The following DYNC1H1 variants were observed in gnomAD, a reference collection of about 807,000 sequenced individuals.
DYNC1H1 encodes the protein cytoplasmic dynein 1 heavy chain 1.
Under a neutral mutation model 527.1 loss-of-function variants are expected in DYNC1H1, and 51 were observed. The ratio of observed to expected loss-of-function variants is 0.10; its 90% CI spans 0.08 to 0.12. DYNC1H1 has a LOEUF of 0.12. Ranked by LOEUF, DYNC1H1 falls within the 10% of genes least tolerant of loss-of-function variation. The pLI, the probability that DYNC1H1 is intolerant of heterozygous loss-of-function variation, is 1.00. For synonymous variants in DYNC1H1, 2,189 were observed against 2,278.8 expected (o/e 0.96, Z 1.12); for missense variants, 2,771 against 5,971.8 (o/e 0.46, Z 17.66).
In DYNC1H1 at chr14:102,041,803, C is replaced by G. The variant is rs1335553255; in HGVS notation, c.12102+69C>G. ...CCACCTCCCCAGCCACAGGTGGCAG[C>G]AGCCCTGGCATCTGCTCTCACTCCG... On this transcript the variant is annotated intron_variant, in intron 65 of 77. Transcript: ENST00000360184. The surrounding 1 kb of genome is among the most constrained non-coding windows in gnomAD (Gnocchi z 4.5). 2 of 1,607,636 alleles carry G rather than the reference C, an allele frequency of 1.2e-6. No homozygotes were observed.
Position 102,039,607 on chromosome 14 carries a change from G to A in DYNC1H1, c.11596-31G>A, listed in dbSNP as rs1297832322. 1.2e-6 allele frequency: 2 copies of A among 1,614,006 alleles called. No homozygotes were observed. Among genetic ancestry groups the A allele is most frequent in the African/African-American group, 2.7e-5 (2 of 74,900 alleles). ...GGAAGCAGGGTGCTGCTTCTCTTAT[G>A]GAACAACATCGTCTCCTGCTCTTGT... On this transcript the variant is annotated intron_variant, in intron 61 of 77. Transcript: ENST00000360184. The surrounding 1 kb of genome is among the most constrained non-coding windows in gnomAD (Gnocchi z 7.0).
rs2048767410 is a variant in DYNC1H1 at position 102,049,043 on chromosome 14, G to C, written c.13372+374G>C. ...GACAGTGGAAAAGCAGGGGCAGGCGGGCATGGGGGGCTCATCCAAAGTTGT... is the reference window on the plus strand; with the variant it reads ...GACAGTGGAAAAGCAGGGGCAGGCGCGCATGGGGGGCTCATCCAAAGTTGT... On this transcript the variant is annotated intron_variant, in intron 74 of 77. Coordinates refer to ENST00000360184, the MANE Select transcript of DYNC1H1 (RefSeq NM_001376.5). The surrounding 1 kb of genome is among the most constrained non-coding windows in gnomAD (Gnocchi z 5.5). 2.4e-6 allele frequency: 1 copy of C among 424,792 alleles called. No homozygotes were observed. Among genetic ancestry groups the C allele is most frequent in the Non-Finnish European group, 4.4e-6 (1 of 227,228 alleles). 26.3% of individuals were successfully genotyped at this position (424,792 alleles called of 1,614,324 possible). A position where few individuals can be genotyped will look rare whatever the true frequency, so the allele number is the denominator to read the frequency against.
rs974195721 is a variant in DYNC1H1 at position 102,055,364 on chromosome 14, G to A, written c.*4801G>A. On this transcript the variant is annotated 3_prime_UTR_variant, in exon 78 of 78. Transcript: ENST00000360184. ...TGTCTACAAAGGCCTCCTCTTTGAG[G>A]GAGACACGCGAGGCACGGGTGGGGC... 2 of 152,060 alleles carry A rather than the reference G, an allele frequency of 1.3e-5. No individual in the cohort carries two copies. Among genetic ancestry groups the A allele is most frequent in the Non-Finnish European group, 2.9e-5 (2 of 68,058 alleles). 9.4% of individuals were successfully genotyped at this position (152,060 alleles called of 1,614,324 possible).
At chr14:101,998,648 C>T (rs2048092588) in intron 16 of DYNC1H1, among the ~76,000 whole-genome samples, 1 of 152,130 alleles carries the variant, frequency 6.6e-6, no homozygotes, top group Non-Finnish European at 1.5e-5. Flanking sequence ...ATTGTCCCAT[C>T]CTGCCTGTAA....
rs368790849 is a variant in DYNC1H1, at chr14:102,005,595, C to T, written c.5434-293C>T. 2.6e-5 allele frequency among the ~76,000 whole-genome samples: 4 copies of T among 152,342 alleles called. No homozygotes were observed. The highest frequency in any genetic ancestry group is 3.9e-4 in the East Asian group (2 of 5,190). On this transcript the variant is annotated intron_variant, in intron 26 of 77. Transcript: ENST00000360184. The surrounding 1 kb of genome is among the most constrained non-coding windows in gnomAD (Gnocchi z 4.0). Reference sequence around the variant, plus strand: ...GCACGTGGCAGACTCCTAGGATAGACGTCAGAAAGCTAGTCTTCCATGATG... The same window carrying T: ...GCACGTGGCAGACTCCTAGGATAGATGTCAGAAAGCTAGTCTTCCATGATG...
chr14:102,005,233 C>G lies in DYNC1H1; in HGVS notation c.5430C>G (p.His1810Gln). The G allele has an allele frequency of 6.2e-7, 1 of 1,614,184 alleles. No individual in the cohort carries two copies. The highest frequency in any genetic ancestry group is 8.5e-7 in the Non-Finnish European group (1 of 1,180,050). ...QPPLRRRKLE[H>Q]LITELVHQRD... is the part of the protein sequence containing the mutation. ...CACTCCGAAGGCGGAAGCTAGAACA[C>G]TTGGTTAGTCTCACACCTGACTCCT... Residue 1810 changes from histidine to glutamine, a missense_variant, in exon 26 of 78, where the codon CAC becomes CAG. His to Gln is a conservative substitution (Grantham distance 24). Transcript: ENST00000360184. The surrounding 1 kb of genome is among the most constrained non-coding windows in gnomAD (Gnocchi z 4.0).
intron 23 of DYNC1H1, 49 bp from the exon 24 acceptor site, chr14:102,004,469 T>A (rs1023956803): frequency 6.4e-7 from 1 of 1,561,888 alleles, no homozygotes; most frequent in Non-Finnish European, 8.7e-7. Flanking sequence ...TGATTCACCT[T>A]ATATGTGTAT....
At chr14:101,988,923 T>C (rs1402049161) in intron 10 of DYNC1H1, 71 bp downstream of exon 10, 3 of 1,593,956 alleles carry the variant, frequency 1.9e-6, no homozygotes, top group Admixed American at 1.7e-5. Context: ...AAAACACCTA[T>C]GGAAAGGTCA....
Position 102,041,400 on chromosome 14 carries a change from G to A in DYNC1H1, c.11942-174G>A, listed in dbSNP as rs1289093033. On this transcript the variant is annotated intron_variant, in intron 64 of 77. Coordinates refer to ENST00000360184, the MANE Select transcript of DYNC1H1 (RefSeq NM_001376.5). The surrounding 1 kb of genome is among the most constrained non-coding windows in gnomAD (Gnocchi z 4.5). ...GGTAGTAAGGTGTTCTCACAGGCGT[G>A]TCCAGAGGGCTCACGGAAGGCACAG... The A allele has an allele frequency of 2.0e-6, 2 of 990,576 alleles. No homozygotes were observed. The highest frequency in any genetic ancestry group is 3.1e-6 in the Non-Finnish European group (2 of 637,584). The allele number at this position is 990,576 out of a possible 1,614,324, so 61.4% of individuals were successfully genotyped here.
At chr14:102,048,105 G>A in intron 73 of DYNC1H1, 77 bp downstream of exon 73, 1 of 1,509,404 alleles carries the variant, frequency 6.6e-7, no homozygotes, top group Non-Finnish European at 8.9e-7. Flanking sequence ...TTGTTCCATG[G>A]ACCATTGGTT....
chr14:101,991,962 A>T (rs2048003665), intron 11 of DYNC1H1, among the ~76,000 whole-genome samples: 1 of 124,604 alleles, frequency 8.0e-6, no homozygotes, highest in Non-Finnish European at 1.6e-5. Context: ...ACTTTTTATT[A>T]GGGGAATTTT....
chr14:101,970,482 T>G (rs1280245142), intron 1 of DYNC1H1, among the ~76,000 whole-genome samples: 16 of 122,412 alleles, frequency 1.3e-4, no homozygotes, highest in African/African-American at 5.6e-4. Context: ...TGTTTTTTTT[T>G]TTTTTTTTTT....
At chr14:101,980,618 A>G (rs2047852664) in intron 5 of DYNC1H1, 68 bp downstream of exon 5, 1 of 1,550,706 alleles carries the variant, frequency 6.4e-7, no homozygotes, top group Non-Finnish European at 8.8e-7. Flanking sequence ...CTTACTTGAT[A>G]ATTTAAATGA....
At chr14:102,004,077 T>A (rs1414893088) in intron 23 of DYNC1H1, among the ~76,000 whole-genome samples, 1 of 150,646 alleles carries the variant, frequency 6.6e-6, no homozygotes, top group South Asian at 2.1e-4. Flanking sequence ...CCGTCTCTAC[T>A]AAAAATACAA....
chr14:102,005,839 TG>T lies in DYNC1H1; in HGVS notation c.5434-48del. The T allele has an allele frequency of 6.2e-7, 1 of 1,611,286 alleles. No homozygotes were observed. The highest frequency in any genetic ancestry group is 8.5e-7 in the Non-Finnish European group (1 of 1,177,764). ...CAGTCCACAAACCCGGAGAATGCACTGTATTGCTTTAGTGTAGATGAACTTT... is the reference window on the plus strand; with the variant it reads ...CAGTCCACAAACCCGGAGAATGCACTTATTGCTTTAGTGTAGATGAACTTT... On this transcript the variant is annotated intron_variant, in intron 26 of 77. Transcript: ENST00000360184. This position sits in a 1 kb window ranked among gnomAD's most constrained non-coding sequence, Gnocchi z 4.0.
Position 102,029,821 on chromosome 14 carries a change from A to G in DYNC1H1, c.9645A>G (p.Val3215=), listed in dbSNP as rs746764653. The G allele has an allele frequency of 5.0e-6, 8 of 1,614,042 alleles. No homozygotes were observed. In the African/African-American group the frequency reaches 1.1e-4, roughly 22 times the overall value. The part of the protein sequence containing the change: ...LRKIKETVDQ[V]EELRRDLRIK... Reference sequence around the variant, plus strand: ...TGAGTGTGGGCTTTGCTCTTTAGGTAGAAGAACTGCGTCGTGACTTGAGGA... The same window carrying G: ...TGAGTGTGGGCTTTGCTCTTTAGGTGGAAGAACTGCGTCGTGACTTGAGGA... Residue 3215 remains valine (V), a splice_region_variant and synonymous_variant, in exon 50 of 78, where the codon GTA becomes GTG. Coordinates refer to ENST00000360184, the MANE Select transcript of DYNC1H1 (RefSeq NM_001376.5). This position sits in a 1 kb window ranked among gnomAD's most constrained non-coding sequence, Gnocchi z 5.3.
At chr14:102,004,437 C>T (rs561376608) in intron 23 of DYNC1H1, 81 bp from the exon 24 acceptor site, 6 of 1,464,530 alleles carry the variant, frequency 4.1e-6, no homozygotes, top group South Asian at 1.3e-5. Flanking sequence ...TCTTTCCCTT[C>T]CTGCAGTTTG....
At chr14:102,000,258 T>C in intron 17 of DYNC1H1, 28 bp from the exon 18 acceptor site, 2 of 1,614,134 alleles carry the variant, frequency 1.2e-6, no homozygotes, top group Non-Finnish European at 1.7e-6. Context: ...ATTTCCAAAG[T>C]CAACTGCTTT....
Position 102,040,647 on chromosome 14 carries a change from A to G in DYNC1H1, c.11915A>G (p.Tyr3972Cys), listed in dbSNP as rs2048638091. The stretch of plus-strand genomic sequence containing the variant: ...AGCTCCCCGGAGCAGACTGTGCCCT[A>G]CCTCTGGAGTGAAGAAACACCTGCA... ...DSSSPEQTVP[Y>C]LWSEETPATP... Residue 3972 changes from tyrosine (Y) to cysteine (C), a missense_variant, in exon 64 of 78, where the codon TAC (tyrosine) becomes TGC (cysteine). By Grantham distance (194) the Tyr-to-Cys change is radical. Coordinates refer to ENST00000360184, the MANE Select transcript of DYNC1H1 (RefSeq NM_001376.5). 1.9e-6 allele frequency: 3 copies of G among 1,614,056 alleles called. No individual in the cohort carries two copies. Among genetic ancestry groups the G allele is most frequent in the Non-Finnish European group, 1.7e-6 (2 of 1,180,048 alleles).
Sources: allele counts gnomAD v4.1 joint callset (sites outside exome capture counted in the v4.1 genomes callset), GRCh38; gene constraint gnomAD v4.1.1; non-coding constraint Gnocchi (gnomAD v3.1); transcripts MANE v1.5; gene names NCBI Gene and HGNC (gene_info 2026-07-23, HGNC 2026-07-21).